TUBGCP3: variants seen among roughly 807,000 people sequenced by gnomAD.
TUBGCP3 encodes gamma-tubulin complex component 3.
A neutral mutation model predicts 123.1 loss-of-function variants in TUBGCP3; 50 were observed. The observed-to-expected ratio is 0.41, with a 90% confidence interval of 0.32 to 0.51. TUBGCP3 has a LOEUF of 0.51. TUBGCP3 is among the 20% of genes least tolerant of loss of function. The probability of loss-of-function intolerance (pLI) is 0.36; values close to 1 mark genes in which losing one functional copy is unlikely to be tolerated. For missense variants in TUBGCP3, 882 were observed against 1,127.0 expected (o/e 0.78, Z 3.11); for synonymous variants, 405 against 413.9 (o/e 0.98, Z 0.26).
chr13:112,543,514 C>T (rs1878704062), intron 11 of TUBGCP3, among the ~76,000 whole-genome samples: 1 of 152,080 alleles, frequency 6.6e-6, no homozygotes, highest in Non-Finnish European at 1.5e-5. Flanking sequence ...TGTGCAAAAA[C>T]AGAGAAATTG....
chr13:112,504,552 A>G, intron 18 of TUBGCP3, 74 bp downstream of exon 18: 3 of 932,410 alleles, frequency 3.2e-6, no homozygotes, highest in Admixed American at 5.1e-5. Context: ...ATACACATAT[A>G]TATATATATA....
Position 112,545,638 on chromosome 13 carries a change from A to G in TUBGCP3, c.1335+61T>C, listed in dbSNP as rs1878925110. ...GTAATCATGAGGGGAAAAATGAAAC[A>G]GCATAACTGCGTGCCCATGCTTTTT... On this transcript the variant is annotated intron_variant, in intron 11 of 21. Transcript: ENST00000261965. This position sits in a 1 kb window ranked among gnomAD's most constrained non-coding sequence, Gnocchi z 4.1. 7.0e-6 allele frequency: 11 copies of G among 1,577,670 alleles called. No homozygotes were observed. The highest frequency in any genetic ancestry group is 9.6e-6 in the Non-Finnish European group (11 of 1,150,178).
intron 11 of TUBGCP3, among the ~76,000 whole-genome samples, chr13:112,533,807 T>C (rs1382871107): frequency 6.8e-6 from 1 of 146,034 alleles, no homozygotes; most frequent in Non-Finnish European, 1.5e-5. Flanking sequence ...TTCTTTTTTT[T>C]TTTTTTTTTA....
At chr13:112,577,094 T>C (rs1881883676) in intron 1 of TUBGCP3, among the ~76,000 whole-genome samples, 2 of 151,882 alleles carry the variant, frequency 1.3e-5, no homozygotes, top group African/African-American at 4.8e-5. Context: ...ACTGATCTTA[T>C]AAAAATTTAA....
At chr13:112,552,000 A>T (rs556289930) in intron 8 of TUBGCP3, among the ~76,000 whole-genome samples, 1 of 152,300 alleles carries the variant, frequency 6.6e-6, no homozygotes, top group Middle Eastern at 3.4e-3. Flanking sequence ...AACAGGGATC[A>T]CACTCCTATG....
intron 8 of TUBGCP3, among the ~76,000 whole-genome samples, chr13:112,552,735 G>A (rs372262225): frequency 2.0e-5 from 3 of 151,006 alleles, no homozygotes; most frequent in Non-Finnish European, 3.0e-5. Context: ...CAGCAGCCAC[G>A]CTGCCACAGC....
chr13:112,529,243 G>A (rs928328770), intron 11 of TUBGCP3, among the ~76,000 whole-genome samples: 21 of 152,134 alleles, frequency 1.4e-4, no homozygotes, highest in Admixed American at 3.3e-4. Flanking sequence ...CTCCTGGATG[G>A]CATTTTTTTC....
intron 1 of TUBGCP3, among the ~76,000 whole-genome samples, chr13:112,573,686 C>A (rs972912085): frequency 6.6e-6 from 1 of 152,180 alleles, no homozygotes; most frequent in Non-Finnish European, 1.5e-5. Context: ...CTCCACCTTC[C>A]GAAAGCAATC....
intron 20 of TUBGCP3, among the ~76,000 whole-genome samples, chr13:112,494,602 G>C (rs1023027621): frequency 6.6e-6 from 1 of 152,122 alleles, no homozygotes; most frequent in Non-Finnish European, 1.5e-5. Flanking sequence ...TAACTACTAT[G>C]ATCTTATTCG....
rs557330124 is a variant in TUBGCP3 at position 112,578,553 on chromosome 13, C to T, written c.77-9294G>A. On this transcript the variant is annotated intron_variant, in intron 1 of 21. Transcript: ENST00000261965. ...CAGCTTGGGCGAAAGAGTGAGACTC[C>T]GTCTCAAAAAAAAAAAAAAAAAAAA... 7.3e-5 allele frequency among the ~76,000 whole-genome samples: 6 copies of T among 82,404 alleles called. No individual in the cohort carries two copies. In the East Asian group the frequency reaches 1.2e-3, roughly 17 times the overall value. 54.1% of individuals were successfully genotyped at this position (82,404 alleles called of 152,430 possible).
intron 3 of TUBGCP3, among the ~76,000 whole-genome samples, chr13:112,560,313 C>A (rs377236880): frequency 4.6e-5 from 7 of 151,096 alleles, no homozygotes; most frequent in African/African-American, 1.7e-4. Context: ...GCCTGTAGTC[C>A]CAGCTACTTG....
At chr13:112,496,038 C>G (rs1340306183) in intron 20 of TUBGCP3, among the ~76,000 whole-genome samples, 1 of 152,138 alleles carries the variant, frequency 6.6e-6, no homozygotes, top group Non-Finnish European at 1.5e-5. Context: ...GTTCCCATAT[C>G]AGCAGCAGCA....
chr13:112,505,617 C>CGTCA (rs2139007091), intron 17 of TUBGCP3, among the ~76,000 whole-genome samples: 1 of 152,376 alleles, frequency 6.6e-6, no homozygotes, highest in African/African-American at 2.4e-5. Flanking sequence ...TAAAGATCAA[C>CGTCA]TGACACCTTG....
At chr13:112,496,660 G>A (rs1594104606) in intron 20 of TUBGCP3, among the ~76,000 whole-genome samples, 1 of 152,182 alleles carries the variant, frequency 6.6e-6, no homozygotes, top group South Asian at 2.1e-4. Context: ...ACTCCCACAC[G>A]GCCAGCGGAC....
At chr13:112,601,450 G>A in the TUBGCP3 span, among the ~76,000 whole-genome samples, 1 of 152,284 alleles carries the variant, frequency 6.6e-6, no homozygotes, top group South Asian at 2.1e-4. Context: ...CATTCTCTCG[G>A]TAGCGTTAAC....
At chr13:112,503,921 T>C in intron 19 of TUBGCP3, 111 bp downstream of exon 19, 1 of 1,317,858 alleles carries the variant, frequency 7.6e-7, no homozygotes, top group Non-Finnish European at 1.0e-6. Flanking sequence ...ATCTGAATTA[T>C]TACCAATGTG....
At chr13:112,492,212 C>A (rs1343970222) in intron 20 of TUBGCP3, among the ~76,000 whole-genome samples, 1 of 152,226 alleles carries the variant, frequency 6.6e-6, no homozygotes, top group African/African-American at 2.4e-5. Flanking sequence ...TCTCTAACAT[C>A]TTTCAACCTA....
chr13:112,505,838 C>T (rs1045397496), intron 17 of TUBGCP3, among the ~76,000 whole-genome samples: 1 of 152,190 alleles, frequency 6.6e-6, no homozygotes, highest in Non-Finnish European at 1.5e-5. Context: ...CCCTGGCACC[C>T]GGTCTCCAGG....
chr13:112,558,735 A>G (rs9603909), intron 4 of TUBGCP3, among the ~76,000 whole-genome samples: 21,338 of 152,180 alleles, frequency 0.14, 2,567 homozygotes, highest in African/African-American at 0.33. Context: ...ATTCACATCT[A>G]TATGGTTTAC....
Sources: allele counts gnomAD v4.1 joint callset (sites outside exome capture counted in the v4.1 genomes callset), GRCh38; gene constraint gnomAD v4.1.1; non-coding constraint Gnocchi (gnomAD v3.1); transcripts MANE v1.5; gene names NCBI Gene and HGNC (gene_info 2026-07-23, HGNC 2026-07-21).